The following TRMT11 variants were observed in gnomAD, a reference collection of about 807,000 sequenced individuals.
TRMT11 encodes the protein tRNA (guanine(10)-N(2))-methyltransferase TRMT11.
TRMT11 carries 53 observed loss-of-function variants against 62.8 expected under a neutral mutation model. The ratio of observed to expected loss-of-function variants is 0.84; its 90% CI spans 0.68 to 1.06. The LOEUF is 1.06. Ranked by LOEUF, TRMT11 falls within the 50% of genes least tolerant of loss-of-function variation. TRMT11 has a pLI of 0.00. For synonymous variants in TRMT11, 188 were observed against 190.3 expected, an observed-to-expected ratio of 0.99 and a Z score of 0.10; for missense variants, 556 against 553.4, an observed-to-expected ratio of 1.00 and a Z score of -0.05.
At chr6:126,262,160 G>A in the TRMT11 span, among the ~76,000 whole-genome samples, 3 of 152,178 alleles carry the variant, frequency 2.0e-5, no homozygotes, top group Non-Finnish European at 4.4e-5. Flanking sequence ...CAGCTGTCAG[G>A]CCAAGAATGG....
At chr6:125,987,021 G>A in intron 1 of TRMT11, 1 of 202,384 alleles carries the variant, frequency 4.9e-6, no homozygotes, top group East Asian at 1.3e-4. Context: ...GGGATTAGAT[G>A]ATGGAGAAGT....
intron 17 of TRMT11, among the ~76,000 whole-genome samples, chr6:126,093,019 A>C (rs944232512): frequency 6.6e-5 from 10 of 152,220 alleles, no homozygotes; most frequent in Non-Finnish European, 1.3e-4. Flanking sequence ...GGGAAAAGGA[A>C]TGTAATATTT....
chr6:126,141,014 A>G (rs1777910869), intron 21 of TRMT11, among the ~76,000 whole-genome samples: 1 of 152,106 alleles, frequency 6.6e-6, no homozygotes, highest in African/African-American at 2.4e-5. Context: ...ATTAAAGTAC[A>G]TAATGACTCT....
chr6:126,100,129 C>T (rs1189077458), intron 17 of TRMT11, among the ~76,000 whole-genome samples: 3 of 152,116 alleles, frequency 2.0e-5, no homozygotes, highest in Non-Finnish European at 4.4e-5. Context: ...TTATTTAAGT[C>T]TCCTAGGGTT....
At chr6:126,026,701 CTTGAGTGACATAT>C (rs1240630333) in intron 12 of TRMT11, among the ~76,000 whole-genome samples, 1 of 151,132 alleles carries the variant, frequency 6.6e-6, no homozygotes, top group Non-Finnish European at 1.5e-5. Flanking sequence ...GGTAAATATT[CTTGAGTGACATAT>C]TACTAGTTTT....
intron 21 of TRMT11, among the ~76,000 whole-genome samples, chr6:126,119,078 A>G (rs557739477): frequency 3.3e-5 from 5 of 152,182 alleles, no homozygotes; most frequent in Non-Finnish European, 5.9e-5. Context: ...AATATATGCC[A>G]TTCACTTCCC....
downstream of TRMT11, among the ~76,000 whole-genome samples, chr6:126,203,941 G>A (rs960754216): frequency 6.8e-6 from 1 of 147,438 alleles, no homozygotes; most frequent in African/African-American, 2.7e-5. Flanking sequence ...GTGTGTGTGT[G>A]TGTGTGTGTG....
chr6:126,104,686 G>A (rs1777444536), intron 17 of TRMT11, among the ~76,000 whole-genome samples: 1 of 152,180 alleles, frequency 6.6e-6, no homozygotes, highest in Non-Finnish European at 1.5e-5. Context: ...TTTGCAGGAA[G>A]CAGTACATAT....
At chr6:126,013,889 G>A (rs1794627208) in intron 11 of TRMT11, among the ~76,000 whole-genome samples, 1 of 152,166 alleles carries the variant, frequency 6.6e-6, no homozygotes, top group African/African-American at 2.4e-5. Context: ...GTCTATAGAT[G>A]TAATTTTCAA....
At chr6:126,061,956 C>T (rs1283142333) in intron 17 of TRMT11, among the ~76,000 whole-genome samples, 1 of 152,210 alleles carries the variant, frequency 6.6e-6, no homozygotes. Context: ...CATCACAGCT[C>T]ACTGCAACCT....
At chr6:126,143,291 TCTC>T (rs1777939972) in intron 21 of TRMT11, among the ~76,000 whole-genome samples, 1 of 152,144 alleles carries the variant, frequency 6.6e-6, no homozygotes, top group Non-Finnish European at 1.5e-5. Flanking sequence ...GCTTGAATCT[TCTC>T]CTAGAAGCCA....
exon 20 of TRMT11, among the ~76,000 whole-genome samples, chr6:126,115,357 A>G (rs1367416436): frequency 2.0e-5 from 3 of 152,126 alleles, no homozygotes; most frequent in Non-Finnish European, 2.9e-5. Context: ...TGCAGTTCAA[A>G]CCAATGAAGT....
chr6:126,143,800 G>A (rs1777945324), intron 21 of TRMT11, among the ~76,000 whole-genome samples: 1 of 152,104 alleles, frequency 6.6e-6, no homozygotes, highest in Non-Finnish European at 1.5e-5. Flanking sequence ...GCATACATAA[G>A]CTTTGTGCTG....
At chr6:126,121,249 G>A (rs1184209205) in intron 21 of TRMT11, among the ~76,000 whole-genome samples, 1 of 152,124 alleles carries the variant, frequency 6.6e-6, no homozygotes, top group East Asian at 1.9e-4. Context: ...TCAGGTACTA[G>A]TTTGGCTGGC....
chr6:126,050,244 C>T (rs549539441), intron 16 of TRMT11, among the ~76,000 whole-genome samples: 26 of 150,220 alleles, frequency 1.7e-4, no homozygotes, highest in African/African-American at 6.1e-4. Flanking sequence ...GCAGGAGAAT[C>T]GCTTGAATCT....
the TRMT11 span, among the ~76,000 whole-genome samples, chr6:126,263,047 T>C: frequency 3.2e-4 from 48 of 152,316 alleles, 1 homozygote; most frequent in African/African-American, 1.1e-3. Context: ...CTAACTGATA[T>C]TTACCCTCTT....
At chr6:126,023,094 T>C (rs1383559205) in intron 12 of TRMT11, among the ~76,000 whole-genome samples, 1 of 152,238 alleles carries the variant, frequency 6.6e-6, no homozygotes, top group African/African-American at 2.4e-5. Context: ...GCTCTTATTT[T>C]ATACCAGACT....
At chr6:126,234,430 A>G in the TRMT11 span, among the ~76,000 whole-genome samples, 1 of 152,114 alleles carries the variant, frequency 6.6e-6, no homozygotes, top group Non-Finnish European at 1.5e-5. Flanking sequence ...CTCCCAATAA[A>G]TATAATTTTA....
chr6:126,127,030 A>C (rs181269532), intron 21 of TRMT11, among the ~76,000 whole-genome samples: 7 of 152,144 alleles, frequency 4.6e-5, no homozygotes, highest in African/African-American at 1.2e-4. Flanking sequence ...ACAAAAAATC[A>C]AATATAATTC....
Sources: allele counts gnomAD v4.1 joint callset (sites outside exome capture counted in the v4.1 genomes callset), GRCh38; gene constraint gnomAD v4.1.1; transcripts MANE v1.5; gene names NCBI Gene and HGNC (gene_info 2026-07-23, HGNC 2026-07-21).